Variants in PADI1 observed in about 807,000 individuals in gnomAD.
PADI1 encodes peptidyl arginine deiminase 1, also known as protein-arginine deiminase type-1.
In PADI1, 65 loss-of-function variants were observed where a neutral mutation model predicts 74.8. The ratio of observed to expected loss-of-function variants is 0.87; its 90% CI spans 0.71 to 1.07. The LOEUF (loss-of-function observed/expected upper bound fraction) is 1.07, where lower values mean the gene tolerates loss of function less well. Among genes scored for constraint, PADI1 ranks in the 50% least tolerant of loss-of-function variants. PADI1 has a pLI of 0.00. For synonymous variants in PADI1, 371 were observed against 336.2 expected, an observed-to-expected ratio of 1.10 and a Z score of -1.13; for missense variants, 943 against 854.0, an observed-to-expected ratio of 1.10 and a Z score of -1.30.
At chr1:17,240,400 G>A in intron 14 of PADI1, 1 of 425,538 alleles carries the variant, frequency 2.3e-6, no homozygotes, top group South Asian at 3.3e-5. Flanking sequence ...TTTGCATCCA[G>A]AAACTGCCTG....
At chr1:17,210,884 C>G (rs148457154) in intron 1 of PADI1, among the ~76,000 whole-genome samples, 2 of 152,324 alleles carry the variant, frequency 1.3e-5, no homozygotes, top group Admixed American at 1.3e-4. Flanking sequence ...TCTCAAGGAA[C>G]CTCCTGTGGT....
intron 9 of PADI1, 31 bp downstream of exon 9, chr1:17,230,239 C>T (rs1246562019): frequency 6.2e-7 from 1 of 1,603,182 alleles, no homozygotes; most frequent in Non-Finnish European, 8.5e-7. Flanking sequence ...GGGAAGCCTG[C>T]AGCCTGGCTT....
chr1:17,228,838 T>C, intron 7 of PADI1, 41 bp downstream of exon 7: 1 of 1,607,476 alleles, frequency 6.2e-7, no homozygotes, highest in East Asian at 2.2e-5. Context: ...GGCTGAGGGG[T>C]TTGGGGGCCC....
intron 1 of PADI1, among the ~76,000 whole-genome samples, chr1:17,213,946 G>A (rs1262470363): frequency 3.3e-5 from 5 of 152,216 alleles, no homozygotes; most frequent in Non-Finnish European, 5.9e-5. Flanking sequence ...TGGGCATGAG[G>A]TTGGTGGGCA....
At position 17,228,720 on chromosome 1, in the gene PADI1, T is replaced by C; in HGVS notation, c.748T>C (p.Tyr250His). 6.2e-7 allele frequency: 1 copy of C among 1,614,224 alleles called. No individual in the cohort carries two copies. Among genetic ancestry groups the C allele is most frequent in the East Asian group, 2.2e-5 (1 of 44,884 alleles). ...RQPGEQEIKF[Y>H]VEGLTFPDAD... Reference sequence around the variant, plus strand: ...GCCAGGGGAGCAGGAGATCAAGTTCTATGTGGAGGGGCTGACCTTCCCCGA... The same window carrying C: ...GCCAGGGGAGCAGGAGATCAAGTTCCATGTGGAGGGGCTGACCTTCCCCGA... Residue 250 changes from tyrosine to histidine, a missense_variant, in exon 7 of 16, where the codon TAT becomes CAT. Coordinates refer to ENST00000375471, the MANE Select transcript of PADI1 (RefSeq NM_013358.3).
chr1:17,215,988 A>G (rs1015344671), intron 1 of PADI1, among the ~76,000 whole-genome samples: 1 of 152,192 alleles, frequency 6.6e-6, no homozygotes, highest in African/African-American at 2.4e-5. Context: ...AGAAGGGTAC[A>G]TCAGAAAGGC....
chr1:17,212,350 C>T (rs1044651751), intron 1 of PADI1, among the ~76,000 whole-genome samples: 10 of 152,188 alleles, frequency 6.6e-5, no homozygotes, highest in Admixed American at 2.6e-4. Flanking sequence ...CCTTTTCGTC[C>T]GATTCTGCCT....
At chr1:17,236,320 G>A (rs2072640133) in intron 11 of PADI1, among the ~76,000 whole-genome samples, 1 of 152,198 alleles carries the variant, frequency 6.6e-6, no homozygotes, top group Non-Finnish European at 1.5e-5. Flanking sequence ...GTAAAATGGG[G>A]ACAGTAATAG....
In PADI1 at chr1:17,245,834, G is replaced by C. The variant is rs149037486; in HGVS notation, c.*1591G>C. The C allele has an allele frequency of 6.6e-6, 1 of 152,640 alleles. No homozygotes were observed. The highest frequency in any genetic ancestry group is 1.9e-4 in the East Asian group (1 of 5,200). The allele number at this position is 152,640 out of a possible 1,614,324, so 9.5% of individuals were successfully genotyped here. On this transcript the variant is annotated 3_prime_UTR_variant, in exon 16 of 16. Transcript: ENST00000375471. This position sits in a 1 kb window ranked among gnomAD's most constrained non-coding sequence, Gnocchi z 4.1. ...CTCCCCTGAGAAAGAGCTGTGGGTA[G>C]GAAGGGAGTGAGCATTGCAGAGATA...
intron 1 of PADI1, among the ~76,000 whole-genome samples, chr1:17,219,890 T>C (rs1439170830): frequency 6.6e-6 from 1 of 152,008 alleles, no homozygotes; most frequent in Non-Finnish European, 1.5e-5. Context: ...GGCAGGCTTC[T>C]TTTACAGTAC....
rs557991042 is a variant in PADI1, at chr1:17,223,123, C to T, written c.274-498C>T. Among the ~76,000 whole-genome samples the T allele has an allele frequency of 2.8e-4, 43 of 152,258 alleles. No homozygotes were observed. The Middle Eastern group carries it at 0.017, about 60-fold the overall frequency. ...AGGCAGGGTCCGGACAGTCTCCTGTCGACTGGGGCCATCCCAGGGGCTCAC... is the reference window on the plus strand; with the variant it reads ...AGGCAGGGTCCGGACAGTCTCCTGTTGACTGGGGCCATCCCAGGGGCTCAC... On this transcript the variant is annotated intron_variant, in intron 2 of 15. Coordinates refer to ENST00000375471, the MANE Select transcript of PADI1 (RefSeq NM_013358.3).
chr1:17,228,614 G>C lies in PADI1; in HGVS notation c.653-11G>C. On this transcript the variant is annotated splice_polypyrimidine_tract_variant and intron_variant, in intron 6 of 15. Transcript: ENST00000375471. ...GTCTCCTCGCTAGCCCCTGACTCTTGTTCTTCCTAGGTGGGAATTCTCTCT... is the reference window on the plus strand; with the variant it reads ...GTCTCCTCGCTAGCCCCTGACTCTTCTTCTTCCTAGGTGGGAATTCTCTCT... 1 of 1,614,074 alleles carries C rather than the reference G, an allele frequency of 6.2e-7. No homozygotes were observed. The highest frequency in any genetic ancestry group is 1.1e-5 in the South Asian group (1 of 91,090).
intron 15 of PADI1, 102 bp downstream of exon 15, chr1:17,240,862 C>T (rs768757174): frequency 2.1e-5 from 27 of 1,279,724 alleles, no homozygotes; most frequent in Middle Eastern, 1.9e-4. Flanking sequence ...GAGGGCCCTG[C>T]GGACCTCTCC....
chr1:17,228,812 G>A lies in PADI1; in HGVS notation c.825+15G>A, dbSNP rs750781551. 1.2e-6 allele frequency: 2 copies of A among 1,611,758 alleles called. No individual in the cohort carries two copies. Among genetic ancestry groups the A allele is most frequent in the East Asian group, 2.2e-5 (1 of 44,860 alleles). On this transcript the variant is annotated intron_variant, in intron 7 of 15. Transcript: ENST00000375471. ...TGGACCCGGGGGTGTGTACAGCACTGGGGGGTGGCCAAGGAGGCTGAGGGG... is the reference window on the plus strand; with the variant it reads ...TGGACCCGGGGGTGTGTACAGCACTAGGGGGTGGCCAAGGAGGCTGAGGGG...
intron 10 of PADI1, among the ~76,000 whole-genome samples, chr1:17,232,246 T>C (rs1405892453): frequency 1.3e-5 from 2 of 152,172 alleles, no homozygotes; most frequent in Non-Finnish European, 2.9e-5. Context: ...ACGCCTGGCC[T>C]ACTTTATTTT....
rs142894268 is a variant in PADI1 at position 17,217,337 on chromosome 1, C to G, written c.93-4953C>G. On this transcript the variant is annotated intron_variant, in intron 1 of 15. Coordinates refer to ENST00000375471, the MANE Select transcript of PADI1 (RefSeq NM_013358.3). ...CAGTGTTGTTTAGGGTCTCCTAGAC[C>G]AGTTCAGGGCCGGTGTGCAGGAGAA... 4.3e-3 allele frequency among the ~76,000 whole-genome samples: 657 copies of G among 152,208 alleles called. 4 individuals are homozygous for G. The highest frequency in any genetic ancestry group is 0.015 in the African/African-American group (622 of 41,522).
At chr1:17,228,502 C>T (rs560715448) in intron 6 of PADI1, 123 bp from the exon 7 acceptor site, 64 of 912,538 alleles carry the variant, frequency 7.0e-5, no homozygotes, top group African/African-American at 2.9e-4. Flanking sequence ...GCAGCTTGCA[C>T]GTGGCAGAGC....
At chr1:17,222,123 G>A (rs917621430) in intron 1 of PADI1, among the ~76,000 whole-genome samples, 167 bp from the exon 2 acceptor site, 8 of 152,200 alleles carry the variant, frequency 5.3e-5, no homozygotes, top group Non-Finnish European at 1.0e-4. Flanking sequence ...CTATGCCCTG[G>A]CTTCCAGATG....
intron 1 of PADI1, among the ~76,000 whole-genome samples, chr1:17,210,124 G>A (rs2071796220): frequency 6.6e-6 from 1 of 152,084 alleles, no homozygotes; most frequent in African/African-American, 2.4e-5. Flanking sequence ...ACAGGTGTGA[G>A]CCATCTCACC....
Sources: allele counts gnomAD v4.1 joint callset (sites outside exome capture counted in the v4.1 genomes callset), GRCh38; gene constraint gnomAD v4.1.1; non-coding constraint Gnocchi (gnomAD v3.1); transcripts MANE v1.5; gene names NCBI Gene and HGNC (gene_info 2026-07-23, HGNC 2026-07-21).